INO80: variants seen among roughly 807,000 people sequenced by gnomAD.
INO80 encodes chromatin-remodeling ATPase INO80.
INO80 carries 20 observed loss-of-function variants against 203.4 expected under a neutral mutation model. That is an observed-to-expected ratio of 0.10 (90% confidence interval 0.07 to 0.14). INO80 has a LOEUF of 0.14. INO80 is among the 10% of genes least tolerant of loss of function. INO80 has a pLI of 1.00. For synonymous variants in INO80, 726 were observed against 685.2 expected (o/e 1.06, Z -0.93); for missense variants, 1,419 against 1,914.4 (o/e 0.74, Z 4.83).
chr15:41,026,287 T>G (rs2044373396), intron 25 of INO80, among the ~76,000 whole-genome samples: 1 of 152,126 alleles, frequency 6.6e-6, no homozygotes, highest in Non-Finnish European at 1.5e-5. Flanking sequence ...GCACGGTGGC[T>G]CACATCTGTG....
intron 14 of INO80, among the ~76,000 whole-genome samples, chr15:41,066,074 G>A (rs1270954792): frequency 6.6e-6 from 1 of 151,266 alleles, no homozygotes; most frequent in Non-Finnish European, 1.5e-5. Context: ...TGCCTCCTGG[G>A]TTCAAGCGAT....
At chr15:41,025,557 A>C (rs2044363254) in intron 25 of INO80, among the ~76,000 whole-genome samples, 1 of 152,088 alleles carries the variant, frequency 6.6e-6, no homozygotes, top group Non-Finnish European at 1.5e-5. Context: ...TCTACTAAAA[A>C]TACAAAAATG....
intron 4 of INO80, among the ~76,000 whole-genome samples, chr15:41,092,588 C>T (rs530017317): frequency 1.0e-3 from 157 of 152,014 alleles, no homozygotes; most frequent in African/African-American, 3.6e-3. Flanking sequence ...CCCAAATATC[C>T]ATTTATTGAT....
chr15:41,012,261 C>T (rs1292814468), intron 27 of INO80, among the ~76,000 whole-genome samples: 1 of 152,124 alleles, frequency 6.6e-6, no homozygotes, highest in African/African-American at 2.4e-5. Context: ...CCCTAGTATG[C>T]CCAACAGCCA....
intron 11 of INO80, among the ~76,000 whole-genome samples, chr15:41,072,312 G>C (rs919487383): frequency 6.6e-6 from 1 of 151,930 alleles, no homozygotes; most frequent in African/African-American, 2.4e-5. Context: ...CTTACACTCT[G>C]TCAATGTTAA....
chr15:40,984,115 A>G, intron 33 of INO80, 82 bp downstream of exon 33: 1 of 1,477,848 alleles, frequency 6.8e-7, no homozygotes, highest in Non-Finnish European at 9.3e-7. Context: ...AGGAGAAGCA[A>G]AGACTGCCCA....
rs981651385 is a variant in INO80 at position 41,094,365 on chromosome 15, T to C, written c.381+1236A>G. 4.6e-5 allele frequency among the ~76,000 whole-genome samples: 7 copies of C among 152,232 alleles called. No individual in the cohort carries two copies. In the South Asian group the frequency reaches 1.0e-3, roughly 22 times the overall value. On this transcript the variant is annotated intron_variant, in intron 4 of 35. Transcript: ENST00000648947. Reference sequence around the variant, plus strand: ...TAAGTTGTTTCTTTTCTCAGGACTTTTGCAGTTGTTCCTTCTGACCGAAAT... The same window carrying C: ...TAAGTTGTTTCTTTTCTCAGGACTTCTGCAGTTGTTCCTTCTGACCGAAAT...
chr15:41,032,903 T>TG, intron 24 of INO80, among the ~76,000 whole-genome samples: 1 of 152,202 alleles, frequency 6.6e-6, no homozygotes, highest in East Asian at 1.9e-4. Context: ...CCAGGGGTGG[T>TG]GGCATGCGCC....
At chr15:41,072,114 T>C in intron 11 of INO80, 56 bp from the exon 12 acceptor site, 1 of 1,199,252 alleles carries the variant, frequency 8.3e-7, no homozygotes. Flanking sequence ...AAATATTACA[T>C]GAAAATAAGA....
At chr15:41,041,997 G>A (rs1479092668) in intron 24 of INO80, among the ~76,000 whole-genome samples, 1 of 145,096 alleles carries the variant, frequency 6.9e-6, no homozygotes, top group African/African-American at 2.6e-5. Context: ...ACCATGCTTG[G>A]CTAATTTTTA....
chr15:41,079,352 A>T (rs1428684043), intron 9 of INO80, among the ~76,000 whole-genome samples: 1 of 152,136 alleles, frequency 6.6e-6, no homozygotes, highest in Non-Finnish European at 1.5e-5. Context: ...GAGGAATAAG[A>T]GCCCAGAATA....
At chr15:40,997,844 T>C (rs2140427644) in intron 28 of INO80, 1 of 392,260 alleles carries the variant, frequency 2.5e-6, no homozygotes, top group Non-Finnish European at 4.8e-6. Flanking sequence ...AGATGACTGA[T>C]AGGCAACACA....
intron 1 of INO80, among the ~76,000 whole-genome samples, chr15:41,108,364 C>T (rs936177268): frequency 2.8e-4 from 43 of 151,416 alleles, no homozygotes; most frequent in African/African-American, 1.0e-3. Context: ...CCGAGGCAGG[C>T]GGATCACAAG....
At chr15:41,082,248 C>T (rs1447150137) in intron 7 of INO80, among the ~76,000 whole-genome samples, 1 of 114,468 alleles carries the variant, frequency 8.7e-6, no homozygotes, top group East Asian at 2.6e-4. Flanking sequence ...AAAACTCCGT[C>T]TCAAAAAAAA....
chr15:41,003,610 G>GT (rs756012765), intron 28 of INO80, among the ~76,000 whole-genome samples: 1 of 152,004 alleles, frequency 6.6e-6, no homozygotes, highest in Non-Finnish European at 1.5e-5. Flanking sequence ...GATTACAGGC[G>GT]TGAGCCACTG....
chr15:41,083,424 G>A (rs557468956), intron 7 of INO80, among the ~76,000 whole-genome samples: 9 of 152,174 alleles, frequency 5.9e-5, no homozygotes, highest in African/African-American at 2.2e-4. Flanking sequence ...CATTAAAACA[G>A]GTTGGGCATG....
Position 41,072,661 on chromosome 15 carries a change from GAATA to G in INO80, c.1396-607_1396-604del, listed in dbSNP as rs1305681978. On this transcript the variant is annotated intron_variant, in intron 11 of 35. Coordinates refer to ENST00000648947, the MANE Select transcript of INO80 (RefSeq NM_017553.3). ...CGCCTCAAAAAAAAAAAAAAAAAAA[GAATA>G]AATAAATAAATAAATAACAAAGAGC... is the stretch of plus-strand genomic sequence containing the variant. 3.4e-4 allele frequency among the ~76,000 whole-genome samples: 47 copies of G among 137,928 alleles called. No homozygotes were observed. In the South Asian group the frequency reaches 4.7e-3, roughly 14 times the overall value. The allele number at this position is 137,928 out of a possible 152,430, so 90.5% of individuals were successfully genotyped here. A position where few individuals can be genotyped will look rare whatever the true frequency, so the allele number is the denominator to read the frequency against.
Position 41,027,583 on chromosome 15 carries a change from C to A in INO80, c.3048+13G>T. On this transcript the variant is annotated intron_variant, in intron 25 of 35. Transcript: ENST00000648947. ...TGCCATCTATTTCATCTCTTCCCTCCTGGAGCACTTACTCGTGGACTGGCC... is the reference window on the plus strand; with the variant it reads ...TGCCATCTATTTCATCTCTTCCCTCATGGAGCACTTACTCGTGGACTGGCC... The A allele has an allele frequency of 6.3e-7, 1 of 1,589,974 alleles. No homozygotes were observed. Among genetic ancestry groups the A allele is most frequent in the Non-Finnish European group, 8.6e-7 (1 of 1,167,880 alleles).
intron 9 of INO80, among the ~76,000 whole-genome samples, chr15:41,077,781 G>A (rs747181013): frequency 2.0e-5 from 3 of 152,012 alleles, no homozygotes; most frequent in Admixed American, 6.6e-5. Context: ...CACTGGTCTT[G>A]AACTCCTAGA....
Sources: allele counts gnomAD v4.1 joint callset (sites outside exome capture counted in the v4.1 genomes callset), GRCh38; gene constraint gnomAD v4.1.1; transcripts MANE v1.5; gene names NCBI Gene and HGNC (gene_info 2026-07-23, HGNC 2026-07-21).